The following LGR4 variants were observed in gnomAD, a reference collection of about 807,000 sequenced individuals.
LGR4 encodes the protein leucine-rich repeat-containing G protein-coupled receptor 4.
Under a neutral mutation model 84.8 loss-of-function variants are expected in LGR4, and 44 were observed. The observed-to-expected ratio is 0.52, with a 90% CI of 0.41 to 0.67. LGR4 has a LOEUF of 0.67. Among genes scored for constraint, LGR4 ranks in the 30% least tolerant of loss-of-function variants. LGR4 has a pLI of 0.00. For missense variants in LGR4, 1,032 were observed against 1,131.4 expected (o/e 0.91, Z 1.26); for synonymous variants, 429 against 434.3 (o/e 0.99, Z 0.15).
intron 10 of LGR4, 142 bp downstream of exon 10, chr11:27,380,129 T>G: frequency 1.9e-6 from 1 of 526,182 alleles, no homozygotes; most frequent in African/African-American, 1.9e-5. Context: ...ACCCAATATA[T>G]TCTTCTCCAT....
intron 17 of LGR4, 126 bp downstream of exon 17, chr11:27,371,486 CAGA>C: frequency 1.7e-6 from 1 of 573,326 alleles, no homozygotes; most frequent in South Asian, 3.7e-5. Flanking sequence ...AGCACAAAAT[CAGA>C]AGGCCTCACA....
chr11:27,461,048 C>T lies in LGR4; in HGVS notation c.185+11070G>A, dbSNP rs144891612. ...TTTAAATCAGGTCTGAATCAAAACTCAGAGAAGTTTTTAGTTTCTGAGAAA... is the reference window on the plus strand; with the variant it reads ...TTTAAATCAGGTCTGAATCAAAACTTAGAGAAGTTTTTAGTTTCTGAGAAA... On this transcript the variant is annotated intron_variant, in intron 1 of 17. Transcript: ENST00000379214. 4.2e-3 allele frequency among the ~76,000 whole-genome samples: 641 copies of T among 152,142 alleles called. 6 individuals carry two copies. Among genetic ancestry groups the T allele is most frequent in the African/African-American group, 0.013 (554 of 41,502 alleles).
intron 17 of LGR4, among the ~76,000 whole-genome samples, chr11:27,369,535 T>C (rs1355570213): frequency 6.6e-6 from 1 of 152,176 alleles, no homozygotes; most frequent in South Asian, 2.1e-4. Context: ...ATTCTTACCT[T>C]AAGAAAGCAA....
chr11:27,368,608 T>G lies in LGR4; in HGVS notation c.2115A>C (p.Gly705=). The G allele has an allele frequency of 1.2e-6, 2 of 1,613,840 alleles. 1 individual carries two copies. Among genetic ancestry groups the G allele is most frequent in the South Asian group, 2.2e-5 (2 of 91,014 alleles). The change falls in exon 18 of 18, where the codon GGA becomes GGC. Residue 705 remains glycine, a synonymous_variant. Transcript: ENST00000379214. ...PFPTGETPSL[G]FTVTLVLLNS... is the part of the protein sequence containing the mutation. ...TTAATAGCACTAACGTTACAGTGAA[T>G]CCTAATGATGGCGTTTCACCTGTAG...
At chr11:27,466,612 T>C (rs1439109308) in intron 1 of LGR4, among the ~76,000 whole-genome samples, 1 of 152,192 alleles carries the variant, frequency 6.6e-6, no homozygotes, top group Non-Finnish European at 1.5e-5. Context: ...CCTAAGAGAT[T>C]AAGTTGTCAA....
chr11:27,413,004 T>A (rs1416997699), intron 1 of LGR4, 144 bp from the exon 2 acceptor site: 1 of 621,694 alleles, frequency 1.6e-6, no homozygotes, highest in Non-Finnish European at 2.8e-6. Flanking sequence ...GGCTTCAGAA[T>A]GCAATATTCA....
chr11:27,415,496 A>T (rs1863798996), intron 1 of LGR4, among the ~76,000 whole-genome samples: 1 of 152,128 alleles, frequency 6.6e-6, no homozygotes, highest in Non-Finnish European at 1.5e-5. Context: ...TATAGTAACA[A>T]GACGTAACAG....
chr11:27,471,253 G>T (rs1215113660), intron 1 of LGR4, among the ~76,000 whole-genome samples: 1 of 152,224 alleles, frequency 6.6e-6, no homozygotes, highest in Non-Finnish European at 1.5e-5. Flanking sequence ...ATTTCAGTGT[G>T]TCTCTCGATC....
chr11:27,409,430 T>C (rs955079747), intron 2 of LGR4, among the ~76,000 whole-genome samples: 1 of 152,114 alleles, frequency 6.6e-6, no homozygotes, highest in Non-Finnish European at 1.5e-5. Context: ...CTGTTCATTG[T>C]AAAGCTCTAA....
chr11:27,462,094 A>G (rs1864694901), intron 1 of LGR4, among the ~76,000 whole-genome samples: 1 of 151,934 alleles, frequency 6.6e-6, no homozygotes, highest in African/African-American at 2.4e-5. Flanking sequence ...CGGCCTCCCA[A>G]AGTGCTGGGA....
chr11:27,379,842 C>T (rs11029986), intron 10 of LGR4, among the ~76,000 whole-genome samples: 33,611 of 152,212 alleles, frequency 0.22, 4,632 homozygotes, highest in Non-Finnish European at 0.31. Flanking sequence ...GCTATATTTG[C>T]TCATCTATAT....
intron 17 of LGR4, among the ~76,000 whole-genome samples, chr11:27,371,275 A>C (rs1177169173): frequency 6.6e-6 from 1 of 152,258 alleles, no homozygotes; most frequent in Admixed American, 6.5e-5. Context: ...GCAAGGCTAC[A>C]TTAAGCACAC....
chr11:27,385,573 T>C, intron 4 of LGR4, 105 bp from the exon 5 acceptor site: 1 of 669,690 alleles, frequency 1.5e-6, no homozygotes. Context: ...CTTATAAAAA[T>C]TATCATCTTT....
chr11:27,385,495 C>T lies in LGR4; in HGVS notation c.402-27G>A, dbSNP rs753039861. 3.4e-6 allele frequency: 5 copies of T among 1,479,356 alleles called. No homozygotes were observed. The South Asian group carries it at 3.6e-5, about 11-fold the overall frequency. 91.6% of individuals were successfully genotyped at this position (1,479,356 alleles called of 1,614,324 possible). The stretch of plus-strand genomic sequence containing the variant: ...TAACAGAAACAAAAACAACCATGTT[C>T]AGTAACAAATTCTAGTGAAATGAGT... On this transcript the variant is annotated intron_variant, in intron 4 of 17. Coordinates refer to ENST00000379214, the MANE Select transcript of LGR4 (RefSeq NM_018490.5).
Position 27,368,886 on chromosome 11 carries a change from C to T in LGR4, c.1837G>A (p.Glu613Lys). The change falls in exon 18 of 18, where the codon GAA becomes AAA. Residue 613 changes from glutamate (E) to lysine (K), a missense_variant. Transcript: ENST00000379214. ...GCTACTTTGCAGCCACTGCCAGTTT[C>T]CCACCAAATGCCAAATTCAGCGAAT... ...GRFAEFGIWW[E>K]TGSGCKVAGF... 1 of 1,614,170 alleles carries T rather than the reference C, an allele frequency of 6.2e-7. No individual in the cohort carries two copies.
At chr11:27,468,702 A>G (rs1437008469) in intron 1 of LGR4, among the ~76,000 whole-genome samples, 1 of 37,552 alleles carries the variant, frequency 2.7e-5, no homozygotes. Flanking sequence ...TTGTCACGAG[A>G]AAAAAAAAAA....
chr11:27,423,966 A>T lies in LGR4; in HGVS notation c.186-11106T>A, dbSNP rs150907814. On this transcript the variant is annotated intron_variant, in intron 1 of 17. Transcript: ENST00000379214. Reference sequence around the variant, plus strand: ...ATACACACACCCAGACACAAACATAAATTTCACGGCAGAACATAGTTTTCT... The same window carrying T: ...ATACACACACCCAGACACAAACATATATTTCACGGCAGAACATAGTTTTCT... Among the ~76,000 whole-genome samples, 1,183 of 152,296 alleles carry T rather than the reference A, an allele frequency of 7.8e-3. 10 individuals are homozygous for T. Among genetic ancestry groups the T allele is most frequent in the Admixed American group, 0.014 (215 of 15,296 alleles).
chr11:27,397,124 C>A (rs563811278), intron 2 of LGR4, among the ~76,000 whole-genome samples: 2 of 152,140 alleles, frequency 1.3e-5, no homozygotes, highest in African/African-American at 4.8e-5. Flanking sequence ...AACTAAGCAC[C>A]GTTATTACAT....
Position 27,368,620 on chromosome 11 carries a change from C to T in LGR4, c.2103G>A (p.Thr701=), listed in dbSNP as rs201583205. 23 of 1,613,726 alleles carry T rather than the reference C, an allele frequency of 1.4e-5. No individual in the cohort carries two copies. In the East Asian group the frequency reaches 2.2e-4, roughly 16 times the overall value. ...ACGTTACAGTGAATCCTAATGATGG[C>T]GTTTCACCTGTAGGAAATGGCAAAC... is the stretch of plus-strand genomic sequence containing the variant. ...PLCLPFPTGE[T]PSLGFTVTLV... is the part of the protein sequence containing the mutation. The change falls in exon 18 of 18, where the codon ACG becomes ACA. Residue 701 remains threonine, a synonymous_variant. Transcript: ENST00000379214.
Sources: allele counts gnomAD v4.1 joint callset (sites outside exome capture counted in the v4.1 genomes callset), GRCh38; gene constraint gnomAD v4.1.1; transcripts MANE v1.5; gene names NCBI Gene and HGNC (gene_info 2026-07-23, HGNC 2026-07-21).